The following RELT variants were observed in gnomAD, a reference collection of about 807,000 sequenced individuals.
RELT encodes tumor necrosis factor receptor superfamily member 19L.
A neutral mutation model predicts 51.1 loss-of-function variants in RELT; 37 were observed. The ratio of observed to expected loss-of-function variants is 0.72; its 90% CI spans 0.56 to 0.95. RELT has a LOEUF of 0.95. Among genes scored for constraint, RELT ranks in the 40% least tolerant of loss-of-function variants. RELT has a pLI of 0.00. For missense variants in RELT, 535 were observed against 572.6 expected, an observed-to-expected ratio of 0.93 and a Z score of 0.67; for synonymous variants, 241 against 235.7, an observed-to-expected ratio of 1.02 and a Z score of -0.21.
chr11:73,394,562 G>T lies in RELT; in HGVS notation c.874G>T (p.Gly292Cys), dbSNP rs1470249997. The T allele has an allele frequency of 6.2e-7, 1 of 1,612,422 alleles. No individual in the cohort carries two copies. The highest frequency in any genetic ancestry group is 1.6e-4 in the Middle Eastern group (1 of 6,062). The change falls in exon 9 of 11, where the codon GGC (glycine) becomes TGC (cysteine). Residue 292 changes from glycine (G) to cysteine (C), a missense_variant. Coordinates refer to ENST00000064780, the MANE Select transcript of RELT (RefSeq NM_152222.2). This position sits in a 1 kb window ranked among gnomAD's most constrained non-coding sequence, Gnocchi z 4.9. Reference sequence around the variant, plus strand: ...CGTGCAGGGCCTGGCCTCGCTCTCTGGCCCCTGCTGCTCCCGCTGTAGCCA... The same window carrying T: ...CGTGCAGGGCCTGGCCTCGCTCTCTTGCCCCTGCTGCTCCCGCTGTAGCCA... Reference protein sequence around the residue: ...HTVQGLASLSGPCCSRCSQKK... With the variant: ...HTVQGLASLSCPCCSRCSQKK...
chr11:73,382,090 G>C (rs7951174), intron 1 of RELT, among the ~76,000 whole-genome samples: 14,764 of 152,256 alleles, frequency 0.097, 756 homozygotes, highest in Non-Finnish European at 0.1. Flanking sequence ...CGAAGTGACA[G>C]AGCCAGAGTC....
At position 73,394,969 on chromosome 11, in the gene RELT, G is replaced by A. The variant is rs61896583; in HGVS notation, c.1047-118G>A. The stretch of plus-strand genomic sequence containing the variant: ...CAGCATCTTGGCCCCCATGGCACCC[G>A]GGCCTCTCAGGCTAAGGCTCTGGTC... On this transcript the variant is annotated intron_variant, in intron 9 of 10. Coordinates refer to ENST00000064780, the MANE Select transcript of RELT (RefSeq NM_152222.2). This position sits in a 1 kb window ranked among gnomAD's most constrained non-coding sequence, Gnocchi z 4.9. The A allele has an allele frequency of 5.6e-5, 56 of 1,002,224 alleles. No individual in the cohort carries two copies. In the Admixed American group the frequency reaches 6.3e-4, roughly 11 times the overall value. 62.1% of individuals were successfully genotyped at this position (1,002,224 alleles called of 1,614,324 possible). A position where few individuals can be genotyped will look rare whatever the true frequency, so the allele number is the denominator to read the frequency against.
chr11:73,379,645 C>G (rs1328390920), intron 1 of RELT, among the ~76,000 whole-genome samples: 2 of 152,196 alleles, frequency 1.3e-5, no homozygotes, highest in Non-Finnish European at 2.9e-5. Context: ...TCCACACTTT[C>G]CCTGGCGGCT....
At chr11:73,382,941 C>T (rs1866071245) in intron 1 of RELT, among the ~76,000 whole-genome samples, 1 of 152,194 alleles carries the variant, frequency 6.6e-6, no homozygotes, top group African/African-American at 2.4e-5. Flanking sequence ...GTGGCCACCT[C>T]AGCCCTTTTC....
chr11:73,382,200 G>T (rs772073426), intron 1 of RELT, among the ~76,000 whole-genome samples: 1 of 152,198 alleles, frequency 6.6e-6, no homozygotes, highest in Non-Finnish European at 1.5e-5. Context: ...CCACTGGGTA[G>T]GACCTGACCT....
chr11:73,394,163 T>G lies in RELT; in HGVS notation c.707-73T>G. On this transcript the variant is annotated intron_variant, in intron 7 of 10. Coordinates refer to ENST00000064780, the MANE Select transcript of RELT (RefSeq NM_152222.2). The surrounding 1 kb of genome is among the most constrained non-coding windows in gnomAD (Gnocchi z 4.9). ...GTGGTATGGAGGGTAGGTGGGGGGT[T>G]CTCTGCTGGGGCAGGGGGTGGGAGG... 7.3e-7 allele frequency: 1 copy of G among 1,374,040 alleles called. No individual in the cohort carries two copies. Among genetic ancestry groups the G allele is most frequent in the Non-Finnish European group, 1.0e-6 (1 of 989,340 alleles). The allele number at this position is 1,374,040 out of a possible 1,614,324, so 85.1% of individuals were successfully genotyped here. A position where few individuals can be genotyped will look rare whatever the true frequency, so the allele number is the denominator to read the frequency against.
At chr11:73,389,288 C>T (rs1467970451) in intron 2 of RELT, 107 bp downstream of exon 2, 12 of 694,614 alleles carry the variant, frequency 1.7e-5, no homozygotes, top group Non-Finnish European at 2.5e-5. Context: ...CTGGGCAGGG[C>T]TCAGTTACTC....
chr11:73,394,069 G>A lies in RELT; in HGVS notation c.706+152G>A. 1.1e-6 allele frequency: 1 copy of A among 937,468 alleles called. No individual in the cohort carries two copies. The highest frequency in any genetic ancestry group is 1.7e-6 in the Non-Finnish European group (1 of 598,212). 58.1% of individuals were successfully genotyped at this position (937,468 alleles called of 1,614,324 possible). A position where few individuals can be genotyped will look rare whatever the true frequency, so the allele number is the denominator to read the frequency against. On this transcript the variant is annotated intron_variant, in intron 7 of 10. Coordinates refer to ENST00000064780, the MANE Select transcript of RELT (RefSeq NM_152222.2). The surrounding 1 kb of genome is among the most constrained non-coding windows in gnomAD (Gnocchi z 4.9). ...GCCTGGTGCTCTCTGACCCAGGAGT[G>A]CACACCTCTGCCTCCCATTCTTGCC...
At chr11:73,383,627 A>C (rs923669203) in intron 1 of RELT, among the ~76,000 whole-genome samples, 3 of 152,224 alleles carry the variant, frequency 2.0e-5, no homozygotes, top group African/African-American at 7.2e-5. Flanking sequence ...GCAGGGCAAA[A>C]GGAGGCAGAA....
chr11:73,394,471 C>T lies in RELT; in HGVS notation c.789-6C>T. The T allele has an allele frequency of 6.2e-7, 1 of 1,610,060 alleles. No individual in the cohort carries two copies. The highest frequency in any genetic ancestry group is 8.5e-7 in the Non-Finnish European group (1 of 1,178,054). On this transcript the variant is annotated splice_polypyrimidine_tract_variant and splice_region_variant and intron_variant, in intron 8 of 10. Transcript: ENST00000064780. This position sits in a 1 kb window ranked among gnomAD's most constrained non-coding sequence, Gnocchi z 4.9. ...CTATGGCCACTTCTGCCTGTGCCCCCTGCAGGCTGCCGCCAGCGCCCCCGA... is the reference window on the plus strand; with the variant it reads ...CTATGGCCACTTCTGCCTGTGCCCCTTGCAGGCTGCCGCCAGCGCCCCCGA...
Position 73,396,604 on chromosome 11 carries a change from C to G in RELT, c.*1113C>G, listed in dbSNP as rs11235735. ...TTGCCCTATCCTTGTGTCTCCACCC[C>G]CTTCCATGTGTTGAATAATAAAAGG... On this transcript the variant is annotated 3_prime_UTR_variant, in exon 11 of 11. Coordinates refer to ENST00000064780, the MANE Select transcript of RELT (RefSeq NM_152222.2). 8.5e-5 allele frequency: 13 copies of G among 152,280 alleles called. No individual in the cohort carries two copies. The highest frequency in any genetic ancestry group is 3.1e-4 in the African/African-American group (13 of 41,444). 9.4% of individuals were successfully genotyped at this position (152,280 alleles called of 1,614,324 possible).
At chr11:73,377,843 G>A (rs1159420977) in intron 1 of RELT, among the ~76,000 whole-genome samples, 1 of 152,128 alleles carries the variant, frequency 6.6e-6, no homozygotes, top group Admixed American at 6.5e-5. Context: ...TGCAGTGGGG[G>A]GTGGGGGCAG....
Position 73,393,877 on chromosome 11 carries a change from C to T in RELT, c.666C>T (p.Asp222=), listed in dbSNP as rs757416479. 5 of 1,614,084 alleles carry T rather than the reference C, an allele frequency of 3.1e-6. No individual in the cohort carries two copies. Among genetic ancestry groups the T allele is most frequent in the Non-Finnish European group, 4.2e-6 (5 of 1,179,984 alleles). The change falls in exon 7 of 11, where the codon GAC becomes GAT. Residue 222 remains aspartate (D), a synonymous_variant. Coordinates refer to ENST00000064780, the MANE Select transcript of RELT (RefSeq NM_152222.2). The stretch of plus-strand genomic sequence containing the variant: ...ACCGGACTGAGGATGCCAATGAGGA[C>T]ACCATTGGGGTCCTGGTGCGCTTGA... ...PAYRTEDANE[D]TIGVLVRLIT... is the part of the protein sequence containing the mutation.
chr11:73,391,892 G>A, intron 5 of RELT: 2 of 480,312 alleles, frequency 4.2e-6, no homozygotes, highest in Non-Finnish European at 7.6e-6. Context: ...CAGGCCACAG[G>A]GAGGCAGATC....
chr11:73,395,652 G>A lies in RELT; in HGVS notation c.*161G>A. 4.6e-6 allele frequency: 3 copies of A among 658,064 alleles called. No individual in the cohort carries two copies. The highest frequency in any genetic ancestry group is 8.3e-6 in the Non-Finnish European group (3 of 360,914). 40.8% of individuals were successfully genotyped at this position (658,064 alleles called of 1,614,324 possible). ...CCTGGAGGTGGGAGCGTCTGCCCCA[G>A]TGAGGAGGCAGGTGGCCGGCGGGCA... is the stretch of plus-strand genomic sequence containing the variant. On this transcript the variant is annotated 3_prime_UTR_variant, in exon 11 of 11. Coordinates refer to ENST00000064780, the MANE Select transcript of RELT (RefSeq NM_152222.2).
Position 73,396,027 on chromosome 11 carries a change from C to T in RELT, c.*536C>T, listed in dbSNP as rs1866314600. 1 of 156,874 alleles carries T rather than the reference C, an allele frequency of 6.4e-6. No homozygotes were observed. Among genetic ancestry groups the T allele is most frequent in the Non-Finnish European group, 1.4e-5 (1 of 70,716 alleles). The allele number at this position is 156,874 out of a possible 1,614,324, so 9.7% of individuals were successfully genotyped here. On this transcript the variant is annotated 3_prime_UTR_variant, in exon 11 of 11. Transcript: ENST00000064780. The stretch of plus-strand genomic sequence containing the variant: ...GCACATCTGTGGCCATCGCTGGGTC[C>T]ATTTTTCTGACTGTGAAGTAAGGAG...
Position 73,394,129 on chromosome 11 carries a change from C to A in RELT, c.707-107C>A. 1 of 1,108,448 alleles carries A rather than the reference C, an allele frequency of 9.0e-7. No homozygotes were observed. The highest frequency in any genetic ancestry group is 1.4e-5 in the South Asian group (1 of 72,144). 68.7% of individuals were successfully genotyped at this position (1,108,448 alleles called of 1,614,324 possible). ...GGGAGGAAAAGGCGCACAGCCCAGG[C>A]TGGGAGTGGTGGTATGGAGGGTAGG... On this transcript the variant is annotated intron_variant, in intron 7 of 10. Coordinates refer to ENST00000064780, the MANE Select transcript of RELT (RefSeq NM_152222.2). The surrounding 1 kb of genome is among the most constrained non-coding windows in gnomAD (Gnocchi z 4.9).
Position 73,395,595 on chromosome 11 carries a change from T to C in RELT, c.*104T>C, listed in dbSNP as rs908597351. 4.6e-5 allele frequency: 35 copies of C among 766,936 alleles called. No homozygotes were observed. The African/African-American group carries it at 5.1e-4, about 11-fold the overall frequency. 47.5% of individuals were successfully genotyped at this position (766,936 alleles called of 1,614,324 possible). A position where few individuals can be genotyped will look rare whatever the true frequency, so the allele number is the denominator to read the frequency against. On this transcript the variant is annotated 3_prime_UTR_variant, in exon 11 of 11. Transcript: ENST00000064780. Reference sequence around the variant, plus strand: ...TGGGACTGTGAGGACCGAGAAGCAATGGCCCAGCAGACGAGACAGCAAAGA... The same window carrying C: ...TGGGACTGTGAGGACCGAGAAGCAACGGCCCAGCAGACGAGACAGCAAAGA...
Position 73,394,471 on chromosome 11 carries a change from C to G in RELT, c.789-6C>G, listed in dbSNP as rs769426649. On this transcript the variant is annotated splice_polypyrimidine_tract_variant and splice_region_variant and intron_variant, in intron 8 of 10. Coordinates refer to ENST00000064780, the MANE Select transcript of RELT (RefSeq NM_152222.2). The surrounding 1 kb of genome is among the most constrained non-coding windows in gnomAD (Gnocchi z 4.9). Reference sequence around the variant, plus strand: ...CTATGGCCACTTCTGCCTGTGCCCCCTGCAGGCTGCCGCCAGCGCCCCCGA... The same window carrying G: ...CTATGGCCACTTCTGCCTGTGCCCCGTGCAGGCTGCCGCCAGCGCCCCCGA... 9 of 1,610,060 alleles carry G rather than the reference C, an allele frequency of 5.6e-6. No homozygotes were observed. The highest frequency in any genetic ancestry group is 7.6e-6 in the Non-Finnish European group (9 of 1,178,054).
Sources: allele counts gnomAD v4.1 joint callset (sites outside exome capture counted in the v4.1 genomes callset), GRCh38; gene constraint gnomAD v4.1.1; non-coding constraint Gnocchi (gnomAD v3.1); transcripts MANE v1.5; gene names NCBI Gene and HGNC (gene_info 2026-07-23, HGNC 2026-07-21).